VIPR2: variants seen among roughly 807,000 people sequenced by gnomAD.
VIPR2 encodes vasoactive intestinal peptide receptor 2, also known as vasoactive intestinal polypeptide receptor 2.
Under a neutral mutation model 58.0 loss-of-function variants are expected in VIPR2, and 48 were observed. That is an observed-to-expected ratio of 0.83 (90% CI 0.66 to 1.05). VIPR2 has a LOEUF of 1.05. Among genes scored for constraint, VIPR2 ranks in the 50% least tolerant of loss-of-function variants. The probability of loss-of-function intolerance (pLI) is 0.00; values close to 1 mark genes in which losing one functional copy is unlikely to be tolerated. For missense variants in VIPR2, 534 were observed against 558.0 expected, an observed-to-expected ratio of 0.96 and a Z score of 0.43; for synonymous variants, 243 against 235.2, an observed-to-expected ratio of 1.03 and a Z score of -0.30.
intron 4 of VIPR2, among the ~76,000 whole-genome samples, chr7:159,062,183 A>AG (rs1022441088): frequency 2.6e-5 from 4 of 152,112 alleles, no homozygotes; most frequent in African/African-American, 9.7e-5. Flanking sequence ...GGAGAAAAAC[A>AG]GGGCAAGGAC....
chr7:159,137,085 G>A (rs1248404820), intron 2 of VIPR2, among the ~76,000 whole-genome samples: 3 of 152,106 alleles, frequency 2.0e-5, no homozygotes, highest in Non-Finnish European at 2.9e-5. Flanking sequence ...ACCTCAGCAG[G>A]AGGGGTGGGG....
At chr7:159,035,138 G>A (rs1308529169) in intron 8 of VIPR2, among the ~76,000 whole-genome samples, 2 of 152,230 alleles carry the variant, frequency 1.3e-5, no homozygotes, top group African/African-American at 2.4e-5. Context: ...CCCCTGGCTT[G>A]TAAAACGCCT....
chr7:159,108,776 C>G (rs928563883), intron 3 of VIPR2, among the ~76,000 whole-genome samples: 3 of 152,228 alleles, frequency 2.0e-5, no homozygotes, highest in Non-Finnish European at 4.4e-5. Context: ...TGCCAATTCC[C>G]TCCAGATCTC....
rs1344071376 is a variant in VIPR2 at position 159,034,661 on chromosome 7, G to A, written c.810-11C>T. 1 of 1,613,146 alleles carries A rather than the reference G, an allele frequency of 6.2e-7. No homozygotes were observed. The highest frequency in any genetic ancestry group is 8.5e-7 in the Non-Finnish European group (1 of 1,179,218). Reference sequence around the variant, plus strand: ...TTTGTATCCCAGCAACTGTCAGAGAGAGATGGGAAATCAGGTTACCACCAA... The same window carrying A: ...TTTGTATCCCAGCAACTGTCAGAGAAAGATGGGAAATCAGGTTACCACCAA... On this transcript the variant is annotated splice_polypyrimidine_tract_variant and intron_variant, in intron 8 of 12. Transcript: ENST00000262178.
chr7:159,097,329 C>A lies in VIPR2; in HGVS notation c.357+6428G>T. On this transcript the variant is annotated intron_variant, in intron 4 of 12. Coordinates refer to ENST00000262178, the MANE Select transcript of VIPR2 (RefSeq NM_003382.5). The surrounding 1 kb of genome is among the most constrained non-coding windows in gnomAD (Gnocchi z 5.3). ...TTGAAGCATGGGGAGGCCGAAATGC[C>A]AAACAGTTCTCTTGGCTAAATTTAG... 8.3e-7 allele frequency: 1 copy of A among 1,198,668 alleles called. No homozygotes were observed. Among genetic ancestry groups the A allele is most frequent in the Non-Finnish European group, 1.1e-6 (1 of 926,590 alleles). 74.3% of individuals were successfully genotyped at this position (1,198,668 alleles called of 1,614,324 possible).
intron 4 of VIPR2, among the ~76,000 whole-genome samples, chr7:159,062,074 G>A (rs1309620526): frequency 6.6e-6 from 1 of 152,226 alleles, no homozygotes; most frequent in East Asian, 1.9e-4. Context: ...TCAGGCGGCG[G>A]TGTGGCCATG....
rs1857895467 is a variant in VIPR2 at position 159,097,001 on chromosome 7, C to G, written c.357+6756G>C. On this transcript the variant is annotated intron_variant, in intron 4 of 12. Transcript: ENST00000262178. The surrounding 1 kb of genome is among the most constrained non-coding windows in gnomAD (Gnocchi z 5.3). ...TGAGGGGAGGCTTCCTTCAGAAAAG[C>G]TGCTGCTCTCAGAGGTGATTTGGGG... 1.3e-6 allele frequency: 2 copies of G among 1,550,598 alleles called. No homozygotes were observed. The highest frequency in any genetic ancestry group is 2.7e-5 in the African/African-American group (2 of 73,176).
intron 5 of VIPR2, among the ~76,000 whole-genome samples, chr7:159,049,942 G>A (rs1436312534): frequency 6.6e-6 from 1 of 152,224 alleles, no homozygotes; most frequent in Non-Finnish European, 1.5e-5. Context: ...TCTGCAGCAA[G>A]ATAATCATCT....
chr7:159,062,053 G>T (rs540761268), intron 4 of VIPR2, among the ~76,000 whole-genome samples: 1 of 152,244 alleles, frequency 6.6e-6, no homozygotes, highest in Admixed American at 6.5e-5. Context: ...AGAGGGCGAG[G>T]TGTGGGGTCT....
At chr7:159,137,734 G>A (rs1797288857) in intron 2 of VIPR2, among the ~76,000 whole-genome samples, 1 of 152,100 alleles carries the variant, frequency 6.6e-6, no homozygotes, top group African/African-American at 2.4e-5. Flanking sequence ...AAATATCCAA[G>A]ACGAGGAAAT....
At chr7:159,100,451 G>A (rs1858136170) in intron 4 of VIPR2, among the ~76,000 whole-genome samples, 1 of 151,608 alleles carries the variant, frequency 6.6e-6, no homozygotes, top group East Asian at 1.9e-4. Flanking sequence ...TGAACACAGT[G>A]ACAGTGGGCT....
rs190513648 is a variant in VIPR2, at chr7:159,066,162, C to G, written c.358-7584G>C. On this transcript the variant is annotated intron_variant, in intron 4 of 12. Coordinates refer to ENST00000262178, the MANE Select transcript of VIPR2 (RefSeq NM_003382.5). ...CATGGGATTCCAGGATGCCTGCTCCCACACTGTCCGTGGGATTCCAGGATG... is the reference window on the plus strand; with the variant it reads ...CATGGGATTCCAGGATGCCTGCTCCGACACTGTCCGTGGGATTCCAGGATG... 6.7e-4 allele frequency among the ~76,000 whole-genome samples: 99 copies of G among 148,298 alleles called. No homozygotes were observed. The East Asian group carries it at 0.014, about 22-fold the overall frequency.
At chr7:159,108,621 AC>A (rs904033600) in intron 3 of VIPR2, among the ~76,000 whole-genome samples, 113 of 152,308 alleles carry the variant, frequency 7.4e-4, no homozygotes, top group Non-Finnish European at 8.1e-4. Context: ...AGCCTCACTG[AC>A]CTGGGCGCCT....
At chr7:159,037,030 G>T in intron 6 of VIPR2, 128 bp from the exon 7 acceptor site, 1 of 1,157,234 alleles carries the variant, frequency 8.6e-7, no homozygotes, top group Non-Finnish European at 1.2e-6. Context: ...CGGTGCCATT[G>T]GGAAGGAAAG....
intron 6 of VIPR2, among the ~76,000 whole-genome samples, chr7:159,040,461 G>A (rs536603394): frequency 6.6e-6 from 1 of 152,232 alleles, no homozygotes; most frequent in African/African-American, 2.4e-5. Flanking sequence ...AGGGGAACCT[G>A]CTGTGGCTGA....
chr7:159,046,223 C>G (rs1486504148), intron 5 of VIPR2, among the ~76,000 whole-genome samples: 1 of 152,090 alleles, frequency 6.6e-6, no homozygotes, highest in East Asian at 1.9e-4. Flanking sequence ...GGTATACGCT[C>G]CAAAGAGTTG....
chr7:159,139,202 G>A (rs1271284830), intron 2 of VIPR2, among the ~76,000 whole-genome samples: 4 of 152,212 alleles, frequency 2.6e-5, no homozygotes, highest in Non-Finnish European at 4.4e-5. Flanking sequence ...CAACCTAGGA[G>A]AGTTCGATAA....
chr7:159,069,729 T>A (rs1212611955), intron 4 of VIPR2, among the ~76,000 whole-genome samples: 3 of 152,164 alleles, frequency 2.0e-5, no homozygotes, highest in East Asian at 1.9e-4. Context: ...ATCTGCTCCA[T>A]TTTTCCCCCC....
In VIPR2 at chr7:159,119,836, C is replaced by G. The variant is rs556732036; in HGVS notation, c.152-9917G>C. 2.6e-5 allele frequency among the ~76,000 whole-genome samples: 4 copies of G among 151,324 alleles called. No homozygotes were observed. In the South Asian group the frequency reaches 8.4e-4, roughly 32 times the overall value. ...ATGCACAAAGCCTGGTAGGTGGGGTCGGAAGAAACACCTGTCCCCCTTGAT... is the reference window on the plus strand; with the variant it reads ...ATGCACAAAGCCTGGTAGGTGGGGTGGGAAGAAACACCTGTCCCCCTTGAT... On this transcript the variant is annotated intron_variant, in intron 2 of 12. Coordinates refer to ENST00000262178, the MANE Select transcript of VIPR2 (RefSeq NM_003382.5).
Sources: allele counts gnomAD v4.1 joint callset (sites outside exome capture counted in the v4.1 genomes callset), GRCh38; gene constraint gnomAD v4.1.1; non-coding constraint Gnocchi (gnomAD v3.1); transcripts MANE v1.5; gene names NCBI Gene and HGNC (gene_info 2026-07-23, HGNC 2026-07-21).